Variants in CDH2 observed in about 807,000 individuals in gnomAD.
CDH2 encodes cadherin-2.
CDH2 carries 17 observed loss-of-function variants against 92.0 expected under a neutral mutation model. That is an observed-to-expected ratio of 0.18 (90% CI 0.13 to 0.28). The LOEUF is 0.28. Ranked by LOEUF, CDH2 falls within the 10% of genes least tolerant of loss-of-function variation. The pLI is 1.00. For missense variants in CDH2, 862 were observed against 1,133.1 expected (o/e 0.76, Z 3.44); for synonymous variants, 419 against 415.9 (o/e 1.01, Z -0.09).
At chr18:28,032,791 G>A (rs968551000) in intron 2 of CDH2, among the ~76,000 whole-genome samples, 15 of 151,946 alleles carry the variant, frequency 9.9e-5, no homozygotes, top group African/African-American at 2.7e-4. Flanking sequence ...TCTTTGGGGC[G>A]TCCTGGGAAG....
intron 15 of CDH2, among the ~76,000 whole-genome samples, chr18:27,962,645 C>T (rs2011437611): frequency 1.3e-5 from 2 of 152,090 alleles, no homozygotes; most frequent in Non-Finnish European, 2.9e-5. Flanking sequence ...CTTACATTCA[C>T]AATACAAATT....
intron 6 of CDH2, among the ~76,000 whole-genome samples, chr18:27,944,059 G>C (rs968467343): frequency 6.6e-6 from 1 of 152,114 alleles, no homozygotes; most frequent in East Asian, 1.9e-4. Context: ...ATCAGCCTCT[G>C]AATATAAAAG....
At chr18:27,943,064 T>C (rs1249575525) in intron 6 of CDH2, among the ~76,000 whole-genome samples, 1 of 152,206 alleles carries the variant, frequency 6.6e-6, no homozygotes, top group Non-Finnish European at 1.5e-5. Context: ...TCCTTGTAAA[T>C]TATGTGATTC....
At chr18:28,064,626 TGAG>T (rs2014471202) in intron 2 of CDH2, among the ~76,000 whole-genome samples, 3 of 151,510 alleles carry the variant, frequency 2.0e-5, no homozygotes, top group Admixed American at 1.3e-4. Flanking sequence ...CCCCCAGTTC[TGAG>T]GTGGTTTAAA....
intron 6 of CDH2, among the ~76,000 whole-genome samples, chr18:27,945,305 T>A (rs1366191467): frequency 1.4e-5 from 2 of 146,652 alleles, no homozygotes; most frequent in Non-Finnish European, 3.0e-5. Context: ...AATCAACTGA[T>A]ACTTTCCAGG....
intron 15 of CDH2, 31 bp downstream of exon 15, chr18:27,963,326 T>TC: frequency 6.2e-7 from 1 of 1,607,856 alleles, no homozygotes; most frequent in Non-Finnish European, 8.5e-7. Context: ...AAATGAAAAC[T>TC]CTTATAGAGA....
At chr18:28,174,790 G>A (rs888765587) in intron 1 of CDH2, among the ~76,000 whole-genome samples, 2 of 152,028 alleles carry the variant, frequency 1.3e-5, no homozygotes, top group East Asian at 3.9e-4. Context: ...TCCTAACTTC[G>A]CTGCACAGTA....
intron 3 of CDH2, among the ~76,000 whole-genome samples, chr18:28,012,218 T>C (rs2013121368): frequency 6.6e-6 from 1 of 152,198 alleles, no homozygotes; most frequent in Non-Finnish European, 1.5e-5. Flanking sequence ...CAATTTATTA[T>C]ATGGCACAGC....
chr18:28,091,208 T>C (rs960596814), intron 2 of CDH2, among the ~76,000 whole-genome samples: 7 of 152,208 alleles, frequency 4.6e-5, no homozygotes, highest in African/African-American at 1.7e-4. Flanking sequence ...TACTAGAAAT[T>C]GACACTGGGG....
Position 27,951,874 on chromosome 18 carries a change from C to T in CDH2, c.*279G>A. Reference sequence around the variant, plus strand: ...AAATCAGTACCATTAAAGCCTTAAACAGAAAACTAATTCCAATCTGAAAAA... The same window carrying T: ...AAATCAGTACCATTAAAGCCTTAAATAGAAAACTAATTCCAATCTGAAAAA... On this transcript the variant is annotated 3_prime_UTR_variant, in exon 16 of 16. Transcript: ENST00000269141. 2.5e-6 allele frequency: 1 copy of T among 399,788 alleles called. No individual in the cohort carries two copies. Among genetic ancestry groups the T allele is most frequent in the East Asian group, 4.7e-5 (1 of 21,214 alleles). 24.8% of individuals were successfully genotyped at this position (399,788 alleles called of 1,614,324 possible). A position where few individuals can be genotyped will look rare whatever the true frequency, so the allele number is the denominator to read the frequency against.
intron 2 of CDH2, among the ~76,000 whole-genome samples, chr18:28,141,780 G>C (rs2015957956): frequency 6.6e-6 from 1 of 151,954 alleles, no homozygotes; most frequent in Admixed American, 6.6e-5. Flanking sequence ...CCCACACAAA[G>C]TGGCCTATGA....
rs559073174 is a variant in CDH2 at position 27,969,721 on chromosome 18, C to T, written c.2350-6200G>A. On this transcript the variant is annotated intron_variant, in intron 14 of 15. Transcript: ENST00000269141. Reference sequence around the variant, plus strand: ...AAAATAATGAAAGTTTGGCCAGGTACGGCAGCTCAGCTTGGCCGGGTGCGG... The same window carrying T: ...AAAATAATGAAAGTTTGGCCAGGTATGGCAGCTCAGCTTGGCCGGGTGCGG... Among the ~76,000 whole-genome samples, 6 of 152,286 alleles carry T rather than the reference C, an allele frequency of 3.9e-5. No individual in the cohort carries two copies. In the East Asian group the frequency reaches 5.8e-4, roughly 15 times the overall value.
At position 28,116,179 on chromosome 18, in the gene CDH2, G is replaced by A. The variant is rs574212634; in HGVS notation, c.172+31494C>T. 2.0e-5 allele frequency among the ~76,000 whole-genome samples: 3 copies of A among 152,208 alleles called. No individual in the cohort carries two copies. In the South Asian group the frequency reaches 6.2e-4, roughly 32 times the overall value. On this transcript the variant is annotated intron_variant, in intron 2 of 15. Transcript: ENST00000269141. ...TGGTTCAAAATGCCAACAGTGCTGA[G>A]GTTGAAAAACCCTGGCTTAATGTCT...
chr18:28,104,543 TC>T (rs2015289089), intron 2 of CDH2, among the ~76,000 whole-genome samples: 1 of 151,538 alleles, frequency 6.6e-6, no homozygotes, highest in Admixed American at 6.6e-5. Context: ...GGAGTAATAG[TC>T]CTAAAAATGG....
intron 2 of CDH2, among the ~76,000 whole-genome samples, chr18:28,121,862 G>A (rs959937160): frequency 1.3e-5 from 2 of 152,040 alleles, no homozygotes; most frequent in Admixed American, 1.3e-4. Context: ...AGTGAGCAGG[G>A]CAGAATGGGA....
At chr18:28,149,388 A>C (rs552132804) in intron 1 of CDH2, among the ~76,000 whole-genome samples, 1 of 152,330 alleles carries the variant, frequency 6.6e-6, no homozygotes, top group South Asian at 2.1e-4. Flanking sequence ...CTCAGAGGCA[A>C]ACTAAAACAA....
intron 2 of CDH2, among the ~76,000 whole-genome samples, chr18:28,050,615 A>C (rs892741983): frequency 6.6e-6 from 1 of 152,176 alleles, no homozygotes; most frequent in African/African-American, 2.4e-5. Context: ...TTTCAGAGTA[A>C]GATTTTTTTC....
At chr18:27,988,225 A>G (rs2012296587) in intron 11 of CDH2, among the ~76,000 whole-genome samples, 1 of 152,168 alleles carries the variant, frequency 6.6e-6, no homozygotes, top group South Asian at 2.1e-4. Context: ...AGAGCCACTG[A>G]AAAAACCCAG....
chr18:28,173,668 C>A (rs924826481), intron 1 of CDH2, among the ~76,000 whole-genome samples: 1 of 152,060 alleles, frequency 6.6e-6, no homozygotes, highest in East Asian at 1.9e-4. Flanking sequence ...TTTCTATGAA[C>A]ATTAAAATAC....
Sources: allele counts gnomAD v4.1 joint callset (sites outside exome capture counted in the v4.1 genomes callset), GRCh38; gene constraint gnomAD v4.1.1; transcripts MANE v1.5; gene names NCBI Gene and HGNC (gene_info 2026-07-23, HGNC 2026-07-21).